Variants in SECISBP2L observed in about 807,000 individuals in gnomAD.
SECISBP2L encodes SECIS binding protein 2 like, also known as selenocysteine insertion sequence-binding protein 2-like.
A neutral mutation model predicts 114.7 loss-of-function variants in SECISBP2L; 43 were observed. That is an observed-to-expected ratio of 0.38 (90% CI 0.29 to 0.48). SECISBP2L has a LOEUF of 0.48. Ranked by LOEUF, SECISBP2L falls within the 20% of genes least tolerant of loss-of-function variation. The pLI, the probability that SECISBP2L is intolerant of heterozygous loss-of-function variation, is 0.98. For synonymous variants in SECISBP2L, 451 were observed against 439.7 expected (o/e 1.03, Z -0.32); for missense variants, 1,136 against 1,301.1 (o/e 0.87, Z 1.95).
At chr15:49,013,507 G>A (rs993399747) in intron 11 of SECISBP2L, among the ~76,000 whole-genome samples, 4 of 152,160 alleles carry the variant, frequency 2.6e-5, no homozygotes, top group Non-Finnish European at 5.9e-5. Context: ...ATGTTGGCCA[G>A]GATGGTCTCG....
At chr15:49,006,285 T>A (rs1239842664) in intron 14 of SECISBP2L, among the ~76,000 whole-genome samples, 1 of 152,218 alleles carries the variant, frequency 6.6e-6, no homozygotes, top group Non-Finnish European at 1.5e-5. Context: ...TGCATTTGAA[T>A]GTTGGCCTGT....
intron 13 of SECISBP2L, 124 bp downstream of exon 13, chr15:49,011,607 A>C: frequency 8.7e-7 from 1 of 1,151,524 alleles, no homozygotes; most frequent in Non-Finnish European, 1.2e-6. Flanking sequence ...CTGAAGAATA[A>C]AGAGATTTAT....
intron 4 of SECISBP2L, among the ~76,000 whole-genome samples, chr15:49,032,243 A>T (rs1902904329): frequency 6.6e-6 from 1 of 152,250 alleles, no homozygotes; most frequent in Admixed American, 6.5e-5. Flanking sequence ...GCCTTGGATC[A>T]CAAACAAAGA....
chr15:49,035,231 T>C (rs1171764639), intron 3 of SECISBP2L, 103 bp downstream of exon 3: 16 of 940,130 alleles, frequency 1.7e-5, no homozygotes, highest in Non-Finnish European at 2.5e-5. Flanking sequence ...CAATATGTTT[T>C]ATAGTAAATT....
chr15:49,010,386 A>T (rs1174041152), intron 13 of SECISBP2L, among the ~76,000 whole-genome samples: 1 of 151,240 alleles, frequency 6.6e-6, no homozygotes, highest in Non-Finnish European at 1.5e-5. Context: ...CCATTTCTTG[A>T]CTCTACTGTC....
intron 1 of SECISBP2L, among the ~76,000 whole-genome samples, chr15:49,038,916 C>A (rs1310736573): frequency 6.6e-6 from 1 of 152,028 alleles, no homozygotes; most frequent in Non-Finnish European, 1.5e-5. Context: ...TTATTAGAGG[C>A]TCCCACCAAA....
rs577205877 is a variant in SECISBP2L at position 49,040,608 on chromosome 15, T to C, written c.25-2839A>G. 2.6e-3 allele frequency among the ~76,000 whole-genome samples: 333 copies of C among 128,908 alleles called. 2 individuals are homozygous for C. The highest frequency in any genetic ancestry group is 8.8e-3 in the African/African-American group (312 of 35,652). The allele number at this position is 128,908 out of a possible 152,430, so 84.6% of individuals were successfully genotyped here. A position where few individuals can be genotyped will look rare whatever the true frequency, so the allele number is the denominator to read the frequency against. On this transcript the variant is annotated intron_variant, in intron 1 of 17. Coordinates refer to ENST00000559471, the MANE Select transcript of SECISBP2L (RefSeq NM_001193489.2). ...GGGAGTGCAGTGGCGCAATCTCGGC[T>C]CACTGCAAGCTCCGCCTCCAGGGTT... is the stretch of plus-strand genomic sequence containing the variant.
chr15:49,038,533 C>T (rs1291627946), intron 1 of SECISBP2L, among the ~76,000 whole-genome samples: 1 of 151,580 alleles, frequency 6.6e-6, no homozygotes, highest in Non-Finnish European at 1.5e-5. Flanking sequence ...AGGAATTATT[C>T]TTAGCAAAGA....
chr15:49,008,943 T>C lies in SECISBP2L; in HGVS notation c.2027+273A>G, dbSNP rs376929878. On this transcript the variant is annotated intron_variant, in intron 14 of 17. Coordinates refer to ENST00000559471, the MANE Select transcript of SECISBP2L (RefSeq NM_001193489.2). Reference sequence around the variant, plus strand: ...AACTGATAGTACAACATTTAATATATAAGATATTAAGAGTCTAGATTTCTA... The same window carrying C: ...AACTGATAGTACAACATTTAATATACAAGATATTAAGAGTCTAGATTTCTA... Among the ~76,000 whole-genome samples, 16 of 152,294 alleles carry C rather than the reference T, an allele frequency of 1.1e-4. No homozygotes were observed. The South Asian group carries it at 2.3e-3, about 22-fold the overall frequency.
At chr15:49,042,108 C>T (rs529027009) in intron 1 of SECISBP2L, among the ~76,000 whole-genome samples, 3 of 152,102 alleles carry the variant, frequency 2.0e-5, no homozygotes, top group Admixed American at 2.0e-4. Flanking sequence ...TTTTAAAAAA[C>T]CAGCTTTCTA....
chr15:49,013,545 C>G (rs933866863), intron 11 of SECISBP2L, among the ~76,000 whole-genome samples: 3 of 152,096 alleles, frequency 2.0e-5, no homozygotes, highest in African/African-American at 7.2e-5. Context: ...TCCGCCCACG[C>G]TGGCCTCCCA....
intron 11 of SECISBP2L, among the ~76,000 whole-genome samples, chr15:49,015,839 T>C (rs1043372149): frequency 3.9e-5 from 6 of 151,998 alleles, no homozygotes; most frequent in Non-Finnish European, 7.4e-5. Context: ...AAGAAAAAAA[T>C]TTGGGTGAGT....
intron 7 of SECISBP2L, 44 bp downstream of exon 7, chr15:49,027,315 AATGACT>A (rs767767825): frequency 5.3e-6 from 7 of 1,328,332 alleles, no homozygotes; most frequent in Non-Finnish European, 7.5e-6. Context: ...ACAAATCTAA[AATGACT>A]CATCTCATAC....
rs1036105113 is a variant in SECISBP2L, at chr15:48,992,049, C to A, written c.*195G>T. 4.3e-6 allele frequency: 2 copies of A among 466,214 alleles called. No individual in the cohort carries two copies. Among genetic ancestry groups the A allele is most frequent in the Admixed American group, 3.7e-5 (1 of 26,812 alleles). The allele number at this position is 466,214 out of a possible 1,614,324, so 28.9% of individuals were successfully genotyped here. ...CTGAAACAGATCTGAATTTTCCACA[C>A]AGTTCTTAGAAAGACACTTAGATAC... On this transcript the variant is annotated 3_prime_UTR_variant, in exon 18 of 18. Transcript: ENST00000559471.
chr15:49,020,616 T>C (rs1243386024), intron 7 of SECISBP2L, among the ~76,000 whole-genome samples: 1 of 152,110 alleles, frequency 6.6e-6, no homozygotes, highest in African/African-American at 2.4e-5. Flanking sequence ...CAAGTGATTC[T>C]TTCACCTCAG....
intron 7 of SECISBP2L, among the ~76,000 whole-genome samples, chr15:49,023,978 T>C (rs1348427927): frequency 2.0e-5 from 3 of 152,158 alleles, no homozygotes; most frequent in African/African-American, 7.2e-5. Flanking sequence ...AAAAATCTCT[T>C]TTACTTTTCA....
intron 3 of SECISBP2L, among the ~76,000 whole-genome samples, chr15:49,034,766 G>A (rs1473669793): frequency 6.6e-6 from 1 of 151,460 alleles, no homozygotes; most frequent in Non-Finnish European, 1.5e-5. Flanking sequence ...CTGGGCTCAA[G>A]CGATCTTCCC....
intron 17 of SECISBP2L, among the ~76,000 whole-genome samples, 165 bp from the exon 18 acceptor site, chr15:48,993,091 C>CAGAG (rs140847057): frequency 0.023 from 3,173 of 140,892 alleles, 78 homozygotes; most frequent in African/African-American, 0.052. Context: ...TAGTTTGAGA[C>CAGAG]AGAGAGAGAG....
intron 14 of SECISBP2L, chr15:49,001,904 A>T (rs1902218301): frequency 6.6e-6 from 1 of 152,078 alleles, no homozygotes; most frequent in South Asian, 2.1e-4. Flanking sequence ...GCTATTGTGA[A>T]TAGTGCTGCA....
Sources: allele counts gnomAD v4.1 joint callset (sites outside exome capture counted in the v4.1 genomes callset), GRCh38; gene constraint gnomAD v4.1.1; transcripts MANE v1.5; gene names NCBI Gene and HGNC (gene_info 2026-07-23, HGNC 2026-07-21).